KCNQ2: variants seen among roughly 807,000 people sequenced by gnomAD.
KCNQ2 encodes potassium voltage-gated channel subfamily Q member 2.
A neutral mutation model predicts 84.8 loss-of-function variants in KCNQ2; 14 were observed. That is an observed-to-expected ratio of 0.17 (90% CI 0.11 to 0.26). The LOEUF (loss-of-function observed/expected upper bound fraction) is 0.26, where lower values mean the gene tolerates loss of function less well. KCNQ2 is among the 10% of genes least tolerant of loss of function. The pLI is 1.00. For synonymous variants in KCNQ2, 599 were observed against 554.1 expected, an observed-to-expected ratio of 1.08 and a Z score of -1.14; for missense variants, 788 against 1,254.0, an observed-to-expected ratio of 0.63 and a Z score of 5.61.
rs545544936 is a variant in KCNQ2 at position 63,407,297 on chromosome 20, C to T, written c.1966G>A (p.Glu656Lys). The change falls in exon 17 of 17, where the codon GAG (glutamate) becomes AAG (lysine). Residue 656 changes from glutamate (E) to lysine (K), a missense_variant. Glu to Lys is a moderately conservative substitution (Grantham distance 56). This residue lies in a region of KCNQ2 where 378 missense variants were observed against 434.5 expected (regional missense o/e 0.87). Coordinates refer to ENST00000359125, the MANE Select transcript of KCNQ2 (RefSeq NM_172107.4). The surrounding 1 kb of genome is among the most constrained non-coding windows in gnomAD (Gnocchi z 7.2). ...GGCTCTTTGGCCCCAAAGTAGGCCT[C>T]GGTCTCTGTCGGGGGGATGCCCATC... ...QRMGIPPTETEAYFGAKEPEP... is the reference protein window; with the variant it reads ...QRMGIPPTETKAYFGAKEPEP... 9.4e-6 allele frequency: 15 copies of T among 1,595,412 alleles called. No homozygotes were observed. The East Asian group carries it at 1.1e-4, about 12-fold the overall frequency.
chr20:63,457,420 C>G (rs926133291), intron 1 of KCNQ2, among the ~76,000 whole-genome samples: 20 of 152,240 alleles, frequency 1.3e-4, no homozygotes, highest in African/African-American at 4.6e-4. Flanking sequence ...GTCAGGAAGT[C>G]TCAGGTCCTC....
rs373327957 is a variant in KCNQ2 at position 63,408,562 on chromosome 20, A to T, written c.1764-26T>A. 2 of 1,608,858 alleles carry T rather than the reference A, an allele frequency of 1.2e-6. No individual in the cohort carries two copies. The highest frequency in any genetic ancestry group is 4.5e-5 in the East Asian group (2 of 44,752). ...CTACCGGGAACAGAGACCCCAAAGCATGAGTTCGGGTGGGTGCAGCAGGGC... is the reference window on the plus strand; with the variant it reads ...CTACCGGGAACAGAGACCCCAAAGCTTGAGTTCGGGTGGGTGCAGCAGGGC... On this transcript the variant is annotated intron_variant, in intron 15 of 16. Coordinates refer to ENST00000359125, the MANE Select transcript of KCNQ2 (RefSeq NM_172107.4). This position sits in a 1 kb window ranked among gnomAD's most constrained non-coding sequence, Gnocchi z 5.0.
In KCNQ2 at chr20:63,408,397, G is replaced by T. The variant is rs369329706; in HGVS notation, c.1887+16C>A. ...AGCCCTCCAGCCCCGCACCCCTCCC[G>T]CCCAGCCTCTCGCACCTGCTTCTCC... On this transcript the variant is annotated intron_variant, in intron 16 of 16. Transcript: ENST00000359125. This position sits in a 1 kb window ranked among gnomAD's most constrained non-coding sequence, Gnocchi z 5.0. 23 of 1,604,170 alleles carry T rather than the reference G, an allele frequency of 1.4e-5. No individual in the cohort carries two copies. The African/African-American group carries it at 2.7e-4, about 19-fold the overall frequency.
chr20:63,414,816 TGCGACGCCACAGGGTGGCCACAGTA>T lies in KCNQ2; in HGVS notation c.1525+62_1525+86del. On this transcript the variant is annotated intron_variant, in intron 13 of 16. Transcript: ENST00000359125. This position sits in a 1 kb window ranked among gnomAD's most constrained non-coding sequence, Gnocchi z 6.6. ...CACTCCAAGAGCAAGCAAAAGCAGCTGCGACGCCACAGGGTGGCCACAGTAGCGTGGCCACCACATCCATCCCCGG... is the reference window on the plus strand; with the variant it reads ...CACTCCAAGAGCAAGCAAAAGCAGCTGCGTGGCCACCACATCCATCCCCGG... The T allele has an allele frequency of 7.6e-7, 1 of 1,323,286 alleles. No homozygotes were observed. Among genetic ancestry groups the T allele is most frequent in the Non-Finnish European group, 1.1e-6 (1 of 921,032 alleles). The allele number at this position is 1,323,286 out of a possible 1,614,324, so 82.0% of individuals were successfully genotyped here.
At chr20:63,459,182 C>T (rs62208041) in intron 1 of KCNQ2, 9,720 of 152,356 alleles carry the variant, frequency 0.064, 397 homozygotes, top group Middle Eastern at 0.13. Context: ...AAGCCAGGCA[C>T]AAAACGGCAC....
chr20:63,453,065 G>A (rs1021049399), intron 1 of KCNQ2, among the ~76,000 whole-genome samples: 11 of 147,958 alleles, frequency 7.4e-5, no homozygotes, highest in Admixed American at 2.7e-4. Flanking sequence ...ACCCCTCCCC[G>A]CCACCCCCAA....
intron 12 of KCNQ2, 34 bp from the exon 13 acceptor site, chr20:63,415,160 A>G (rs202116117): frequency 2.6e-5 from 11 of 430,856 alleles, no homozygotes; most frequent in Non-Finnish European, 3.4e-5. Context: ...CAGACAGAAA[A>G]ACAGGGAGAG....
At chr20:63,456,526 C>G (rs751367369) in intron 1 of KCNQ2, among the ~76,000 whole-genome samples, 55 of 152,142 alleles carry the variant, frequency 3.6e-4, no homozygotes, top group Admixed American at 1.2e-3. Context: ...GGCGTCACCA[C>G]CTCACCGCCA....
intron 10 of KCNQ2, among the ~76,000 whole-genome samples, chr20:63,427,037 A>G (rs1190398888): frequency 6.6e-6 from 1 of 152,184 alleles, no homozygotes; most frequent in African/African-American, 2.4e-5. Context: ...CCTGGCCAAC[A>G]TGGTGAAACC....
chr20:63,458,222 C>T (rs949875601), intron 1 of KCNQ2, among the ~76,000 whole-genome samples: 18 of 152,158 alleles, frequency 1.2e-4, no homozygotes, highest in Non-Finnish European at 1.6e-4. Context: ...CGCAGAGAAG[C>T]GCCCCTGTAC....
At chr20:63,469,049 G>A (rs901004062) in intron 1 of KCNQ2, among the ~76,000 whole-genome samples, 11 of 152,226 alleles carry the variant, frequency 7.2e-5, no homozygotes, top group Admixed American at 2.6e-4. Flanking sequence ...CAACCCACGC[G>A]GGGATCCTGG....
Position 63,408,238 on chromosome 20 carries a change from A to T in KCNQ2, c.1887+175T>A, listed in dbSNP as rs2080008430. 1 of 814,200 alleles carries T rather than the reference A, an allele frequency of 1.2e-6. No individual in the cohort carries two copies. The highest frequency in any genetic ancestry group is 1.7e-5 in the African/African-American group (1 of 58,450). 50.4% of individuals were successfully genotyped at this position (814,200 alleles called of 1,614,324 possible). On this transcript the variant is annotated intron_variant, in intron 16 of 16. Transcript: ENST00000359125. The surrounding 1 kb of genome is among the most constrained non-coding windows in gnomAD (Gnocchi z 5.0). ...CACCCAGGCCGGGGGTGGGAGGCTC[A>T]CGGTGGGGTGTGAGGGGTCTGCACA...
At chr20:63,424,722 G>C (rs1323943224) in intron 10 of KCNQ2, among the ~76,000 whole-genome samples, 2 of 152,250 alleles carry the variant, frequency 1.3e-5, no homozygotes, top group Non-Finnish European at 2.9e-5. Context: ...TTGCACCGCT[G>C]ACCAACTGTC....
Position 63,408,463 on chromosome 20 carries a change from G to A in KCNQ2, c.1837C>T (p.Leu613=). The change falls in exon 16 of 17, where the codon CTG becomes TTG. Residue 613 remains leucine (L), a synonymous_variant. Transcript: ENST00000359125. The surrounding 1 kb of genome is among the most constrained non-coding windows in gnomAD (Gnocchi z 5.0). ...DRTKGPAEAE[L]PEDPSMMGRL... is the part of the protein sequence containing the mutation. ...CCCATCATGCTGGGGTCCTCGGGCA[G>A]CTCCGCCTCGGCCGGGCCCTTGGTG... is the stretch of plus-strand genomic sequence containing the variant. 6.2e-7 allele frequency: 1 copy of A among 1,608,476 alleles called. No homozygotes were observed.
At chr20:63,409,006 T>A (rs1370637414) in intron 15 of KCNQ2, among the ~76,000 whole-genome samples, 1 of 152,084 alleles carries the variant, frequency 6.6e-6, no homozygotes, top group African/African-American at 2.4e-5. Flanking sequence ...TACTCCTACG[T>A]AATGTGCCAC....
At chr20:63,411,919 C>T (rs559446790) in intron 15 of KCNQ2, 14 of 712,576 alleles carry the variant, frequency 2.0e-5, no homozygotes, top group South Asian at 3.0e-5. Flanking sequence ...ACCGGCGAAA[C>T]GCATCGTAAA....
At chr20:63,420,703 C>T (rs935845949) in intron 11 of KCNQ2, among the ~76,000 whole-genome samples, 1 of 152,142 alleles carries the variant, frequency 6.6e-6, no homozygotes, top group Non-Finnish European at 1.5e-5. Flanking sequence ...CACTCAGCCG[C>T]CCGGGTAGGC....
rs2081079342 is a variant in KCNQ2, at chr20:63,438,852, AC to A, written c.928-133del. On this transcript the variant is annotated intron_variant, in intron 6 of 16. Transcript: ENST00000359125. The surrounding 1 kb of genome is among the most constrained non-coding windows in gnomAD (Gnocchi z 5.1). ...CAGACCACACTCCAGAGACTCACAC[AC>A]CCCCCAATTCATCAGGGTCAGACCA... 1.8e-6 allele frequency: 1 copy of A among 551,660 alleles called. No individual in the cohort carries two copies. The highest frequency in any genetic ancestry group is 3.2e-6 in the Non-Finnish European group (1 of 308,232). 34.2% of individuals were successfully genotyped at this position (551,660 alleles called of 1,614,324 possible).
chr20:63,412,819 G>T (rs1404195473), intron 15 of KCNQ2, among the ~76,000 whole-genome samples: 1 of 152,226 alleles, frequency 6.6e-6, no homozygotes, highest in East Asian at 1.9e-4. Context: ...ACTCTCAACA[G>T]CCGTGTGTCC....
Sources: allele counts gnomAD v4.1 joint callset (sites outside exome capture counted in the v4.1 genomes callset), GRCh38; gene constraint gnomAD v4.1.1; regional missense constraint gnomAD v4.1.1; non-coding constraint Gnocchi (gnomAD v3.1); transcripts MANE v1.5; gene names NCBI Gene and HGNC (gene_info 2026-07-23, HGNC 2026-07-21).